MTSS1: variants seen among roughly 807,000 people sequenced by gnomAD.
MTSS1 encodes protein MTSS 1.
A neutral mutation model predicts 79.0 loss-of-function variants in MTSS1; 18 were observed. That is an observed-to-expected ratio of 0.23 (90% CI 0.16 to 0.34). MTSS1 has a LOEUF of 0.34. MTSS1 is among the 10% of genes least tolerant of loss of function. The pLI is 1.00. For missense variants in MTSS1, 815 were observed against 986.2 expected, an observed-to-expected ratio of 0.83 and a Z score of 2.33; for synonymous variants, 341 against 368.6, an observed-to-expected ratio of 0.93 and a Z score of 0.86.
intron 3 of MTSS1, among the ~76,000 whole-genome samples, chr8:124,607,888 A>T (rs570874097): frequency 1.3e-5 from 2 of 152,276 alleles, no homozygotes; most frequent in Admixed American, 1.3e-4. Context: ...GGGGGGCTTA[A>T]TTATTACTTA....
At chr8:124,709,530 C>A (rs1830859739) in intron 1 of MTSS1, among the ~76,000 whole-genome samples, 1 of 152,224 alleles carries the variant, frequency 6.6e-6, no homozygotes, top group South Asian at 2.1e-4. Flanking sequence ...AATGAGAAGG[C>A]GCACCTCCTC....
chr8:124,560,191 A>G (rs1824978871), intron 10 of MTSS1, among the ~76,000 whole-genome samples: 1 of 147,018 alleles, frequency 6.8e-6, no homozygotes, highest in Admixed American at 6.6e-5. Flanking sequence ...CAGTCGAGAA[A>G]CTGAACTTAA....
chr8:124,615,955 G>A (rs1001981969), intron 3 of MTSS1, among the ~76,000 whole-genome samples: 28 of 152,108 alleles, frequency 1.8e-4, no homozygotes, highest in African/African-American at 6.3e-4. Flanking sequence ...ATGGCAGCCG[G>A]GCCCCATGGC....
chr8:124,700,969 T>C (rs1197239451), intron 2 of MTSS1, among the ~76,000 whole-genome samples: 1 of 152,240 alleles, frequency 6.6e-6, no homozygotes, highest in African/African-American at 2.4e-5. Flanking sequence ...TGGCTCATCC[T>C]GTAATCCCAG....
Position 124,553,517 on chromosome 8 carries a change from C to T in MTSS1, c.1743G>A (p.Met581Ile). The change falls in exon 14 of 14, where the codon ATG becomes ATA. Residue 581 changes from methionine (M) to isoleucine (I), a missense_variant. This residue lies in a region of MTSS1 where 590 missense variants were observed against 620.8 expected (regional missense o/e 0.95). Transcript: ENST00000518547. This position sits in a 1 kb window ranked among gnomAD's most constrained non-coding sequence, Gnocchi z 6.0. Reference sequence around the variant, plus strand: ...GGATAGTTGCAACCCCTGGAGTGACCATAGCAGGTCCCAGGGTGGTGGGGA... The same window carrying T: ...GGATAGTTGCAACCCCTGGAGTGACTATAGCAGGTCCCAGGGTGGTGGGGA... ...AGLPTTLGPA[M>I]VTPGVATIRR... The T allele has an allele frequency of 6.2e-7, 1 of 1,614,056 alleles. No individual in the cohort carries two copies. The highest frequency in any genetic ancestry group is 8.5e-7 in the Non-Finnish European group (1 of 1,179,990).
intron 10 of MTSS1, 56 bp from the exon 11 acceptor site, chr8:124,557,931 G>A (rs1824360584): frequency 1.9e-5 from 26 of 1,347,088 alleles, no homozygotes; most frequent in South Asian, 2.7e-5. Context: ...ATAACAGGAT[G>A]AGTGCGGAGA....
intron 6 of MTSS1, among the ~76,000 whole-genome samples, chr8:124,583,334 G>A (rs1830356955): frequency 6.6e-6 from 1 of 152,168 alleles, no homozygotes; most frequent in Admixed American, 6.5e-5. Context: ...AGCATTCTAT[G>A]GGTCCCATAT....
chr8:124,611,116 C>CT (rs995338402), intron 3 of MTSS1, among the ~76,000 whole-genome samples: 2 of 148,712 alleles, frequency 1.3e-5, no homozygotes, highest in African/African-American at 2.5e-5. Context: ...ACCCCCCCCC[C>CT]CCAGCATGTG....
intron 3 of MTSS1, among the ~76,000 whole-genome samples, chr8:124,617,409 A>T (rs891398355): frequency 6.6e-6 from 1 of 151,992 alleles, no homozygotes; most frequent in Non-Finnish European, 1.5e-5. Flanking sequence ...ATTTATCCTA[A>T]TTTTCCTGGT....
chr8:124,560,740 T>A (rs1159571021), intron 10 of MTSS1, among the ~76,000 whole-genome samples: 6 of 152,224 alleles, frequency 3.9e-5, no homozygotes, highest in African/African-American at 1.4e-4. Flanking sequence ...TCATTTTTTA[T>A]AAAGAACCTC....
chr8:124,690,376 GA>G (rs1481813973), intron 3 of MTSS1, among the ~76,000 whole-genome samples: 7 of 152,190 alleles, frequency 4.6e-5, no homozygotes, highest in Non-Finnish European at 8.8e-5. Flanking sequence ...CTTGGGTGTG[GA>G]ATTCTGATAT....
At chr8:124,720,366 C>T (rs1832729064) in intron 1 of MTSS1, among the ~76,000 whole-genome samples, 1 of 152,202 alleles carries the variant, frequency 6.6e-6, no homozygotes, top group African/African-American at 2.4e-5. Context: ...ACTTGGGAAG[C>T]TGCTGCCACA....
intron 3 of MTSS1, among the ~76,000 whole-genome samples, chr8:124,650,191 C>A (rs1182280078): frequency 6.6e-6 from 1 of 152,080 alleles, no homozygotes. Context: ...CCACCACGCC[C>A]AGCTAATTTT....
intron 3 of MTSS1, among the ~76,000 whole-genome samples, chr8:124,682,275 C>T (rs11779315): frequency 0.16 from 24,056 of 152,192 alleles, 2,127 homozygotes; most frequent in East Asian, 0.39. Flanking sequence ...CAACTTGTGC[C>T]CACCCCCATC....
chr8:124,656,793 A>G (rs996009399), intron 3 of MTSS1, among the ~76,000 whole-genome samples: 14 of 151,070 alleles, frequency 9.3e-5, no homozygotes, highest in Middle Eastern at 3.4e-3. Flanking sequence ...AAAAAAAAAA[A>G]AAAAAAGAAA....
chr8:124,573,958 C>G (rs1162633082), intron 6 of MTSS1, among the ~76,000 whole-genome samples: 2 of 152,110 alleles, frequency 1.3e-5, no homozygotes, highest in African/African-American at 2.4e-5. Context: ...TGTGAATGCA[C>G]CATGTCATGG....
At chr8:124,703,105 T>A (rs1341013047) in intron 2 of MTSS1, among the ~76,000 whole-genome samples, 1 of 152,094 alleles carries the variant, frequency 6.6e-6, no homozygotes, top group African/African-American at 2.4e-5. Context: ...TGCACAATCA[T>A]CACCGCAATC....
chr8:124,692,108 C>A (rs1437187657), intron 3 of MTSS1, among the ~76,000 whole-genome samples: 1 of 150,194 alleles, frequency 6.7e-6, no homozygotes, highest in African/African-American at 2.5e-5. Context: ...TGGCTCATTG[C>A]AACCTCCGCC....
rs531906790 is a variant in MTSS1 at position 124,603,446 on chromosome 8, G to A, written c.209-12211C>T. ...CTTGTTCTTTAAGCTGCACATTTATGAGGCAGCTGGCCCCTGCCAAAAGGA... is the reference window on the plus strand; with the variant it reads ...CTTGTTCTTTAAGCTGCACATTTATAAGGCAGCTGGCCCCTGCCAAAAGGA... On this transcript the variant is annotated intron_variant, in intron 3 of 13. Transcript: ENST00000518547. Among the ~76,000 whole-genome samples the A allele has an allele frequency of 1.3e-4, 20 of 152,346 alleles. No homozygotes were observed. In the East Asian group the frequency reaches 3.7e-3, roughly 28 times the overall value.
Sources: allele counts gnomAD v4.1 joint callset (sites outside exome capture counted in the v4.1 genomes callset), GRCh38; gene constraint gnomAD v4.1.1; regional missense constraint gnomAD v4.1.1; non-coding constraint Gnocchi (gnomAD v3.1); transcripts MANE v1.5; gene names NCBI Gene and HGNC (gene_info 2026-07-23, HGNC 2026-07-21).